Variants in PCDH15 observed in about 807,000 individuals in gnomAD.
PCDH15 encodes the protein protocadherin-15.
In PCDH15, 129 loss-of-function variants were observed where a neutral mutation model predicts 178.5. The observed-to-expected ratio is 0.72, with a 90% CI of 0.63 to 0.84. PCDH15 has a LOEUF of 0.84. PCDH15 is among the 40% of genes least tolerant of loss of function. The pLI is 0.00. For missense variants in PCDH15, 2,230 were observed against 2,099.9 expected (o/e 1.06, Z -1.21); for synonymous variants, 800 against 732.0 (o/e 1.09, Z -1.50).
At chr10:54,398,891 A>G (rs1483602813) in intron 3 of PCDH15, among the ~76,000 whole-genome samples, 2 of 152,116 alleles carry the variant, frequency 1.3e-5, no homozygotes, top group African/African-American at 4.8e-5. Context: ...TGGTATGTAT[A>G]CAAACCTTAA....
intron 2 of PCDH15, among the ~76,000 whole-genome samples, chr10:55,147,363 A>G (rs2132096241): frequency 6.6e-6 from 1 of 151,774 alleles, no homozygotes; most frequent in African/African-American, 2.4e-5. Context: ...AATGCAGAAA[A>G]ATAGATAATA....
Position 55,462,967 on chromosome 10 carries a change from T to C in PCDH15, c.-156+164658A>G, listed in dbSNP as rs115284262. ...GATTGTGTATAAATGTTTTATGTATTATGTGTTGATCTGAAGCAAAGTGCA... is the reference window on the plus strand; with the variant it reads ...GATTGTGTATAAATGTTTTATGTATCATGTGTTGATCTGAAGCAAAGTGCA... On this transcript the variant is annotated intron_variant, in intron 2 of 5. Coordinates refer to the PCDH15 transcript ENST00000613346. 2.0e-3 allele frequency among the ~76,000 whole-genome samples: 299 copies of C among 152,166 alleles called. 2 individuals are homozygous for C. Among genetic ancestry groups the C allele is most frequent in the African/African-American group, 7.0e-3 (292 of 41,546 alleles).
At chr10:54,258,574 C>T (rs1050522851) in intron 8 of PCDH15, among the ~76,000 whole-genome samples, 1 of 152,118 alleles carries the variant, frequency 6.6e-6, no homozygotes, top group African/African-American at 2.4e-5. Context: ...AAGTTAAGAC[C>T]TGAGCTCTCC....
intron 2 of PCDH15, among the ~76,000 whole-genome samples, chr10:55,346,502 A>C (rs1844757460): frequency 6.6e-6 from 1 of 152,142 alleles, no homozygotes; most frequent in African/African-American, 2.4e-5. Context: ...TTTATCATAG[A>C]ATGAAACCTC....
intron 28 of PCDH15, among the ~76,000 whole-genome samples, chr10:53,850,148 C>A (rs1250433110): frequency 2.0e-5 from 3 of 151,914 alleles, no homozygotes; most frequent in Admixed American, 2.0e-4. Context: ...AATCATGGAG[C>A]ACCTTAGTTT....
At chr10:54,558,134 TTTGA>T (rs1170120600) in intron 2 of PCDH15, among the ~76,000 whole-genome samples, 6 of 152,064 alleles carry the variant, frequency 3.9e-5, no homozygotes, top group South Asian at 2.1e-4. Flanking sequence ...TGGTATTGAT[TTTGA>T]TTGATTATTT....
At position 54,153,421 on chromosome 10, in the gene PCDH15, ACT is replaced by A. The variant is rs1396587479; in HGVS notation, c.1591-130_1591-129del. The A allele has an allele frequency of 2.2e-5, 22 of 1,013,966 alleles. No individual in the cohort carries two copies. In the Admixed American group the frequency reaches 4.3e-4, roughly 20 times the overall value. 62.8% of individuals were successfully genotyped at this position (1,013,966 alleles called of 1,614,324 possible). A position where few individuals can be genotyped will look rare whatever the true frequency, so the allele number is the denominator to read the frequency against. On this transcript the variant is annotated intron_variant, in intron 13 of 37. Transcript: ENST00000644397. ...ACAGGAAAGTTTCCTTGACATATAT[ACT>A]GTTTTTTGTTTTTTGTTTTTTTAAC...
chr10:54,217,101 GA>G (rs2052164648), intron 9 of PCDH15, among the ~76,000 whole-genome samples: 1 of 152,080 alleles, frequency 6.6e-6, no homozygotes, highest in South Asian at 2.1e-4. Context: ...TTACTTATGA[GA>G]AAGAGAGGGA....
Position 54,754,393 on chromosome 10 carries a change from AT to A in PCDH15, c.-29+46531del, listed in dbSNP as rs550779810. Among the ~76,000 whole-genome samples, 17 of 152,310 alleles carry A rather than the reference AT, an allele frequency of 1.1e-4. No individual in the cohort carries two copies. The East Asian group carries it at 2.9e-3, about 26-fold the overall frequency. On this transcript the variant is annotated intron_variant, in intron 1 of 37. Transcript: ENST00000644397. ...TCCATGATTGAAAGCTACATAAAAAATATCTAATATCACTACATATCAAATA... is the reference window on the plus strand; with the variant it reads ...TCCATGATTGAAAGCTACATAAAAAAATCTAATATCACTACATATCAAATA...
chr10:53,958,043 T>C (rs12357505), intron 23 of PCDH15, among the ~76,000 whole-genome samples: 1 of 152,178 alleles, frequency 6.6e-6, no homozygotes, highest in Non-Finnish European at 1.5e-5. Flanking sequence ...AACTGCTTGG[T>C]TCAGTGGGTT....
chr10:54,791,587 A>G (rs1951414429), intron 1 of PCDH15, among the ~76,000 whole-genome samples: 1 of 151,916 alleles, frequency 6.6e-6, no homozygotes, highest in African/African-American at 2.4e-5. Flanking sequence ...CAAACGTAAC[A>G]TGTTTAAAAA....
At chr10:54,853,368 TATATATATACACATACATAC>T (rs2131770237) in intron 3 of PCDH15, among the ~76,000 whole-genome samples, 1 of 93,678 alleles carries the variant, frequency 1.1e-5, no homozygotes, top group South Asian at 4.0e-4. Context: ...CACACACACA[TATATATATACACATACATAC>T]ATATATATAC....
At chr10:54,268,966 A>G (rs570423440) in intron 8 of PCDH15, among the ~76,000 whole-genome samples, 8 of 151,998 alleles carry the variant, frequency 5.3e-5, no homozygotes, top group Middle Eastern at 3.5e-3. Flanking sequence ...TGAATACAAT[A>G]TAGAACCTGA....
chr10:54,434,884 G>T (rs1472183765), intron 3 of PCDH15, among the ~76,000 whole-genome samples: 3 of 152,120 alleles, frequency 2.0e-5, no homozygotes, highest in Non-Finnish European at 4.4e-5. Flanking sequence ...CAATCAATTG[G>T]TATGACTTGG....
At chr10:55,027,704 G>A (rs935635507) in intron 2 of PCDH15, among the ~76,000 whole-genome samples, 3 of 151,786 alleles carry the variant, frequency 2.0e-5, no homozygotes, top group Non-Finnish European at 4.4e-5. Flanking sequence ...TCTAATTTAG[G>A]AGAGTAGTTT....
At position 54,923,144 on chromosome 10, in the gene PCDH15, A is replaced by G. The variant is rs1216316374; in HGVS notation, c.-79-25644T>C. The stretch of plus-strand genomic sequence containing the variant: ...GAAGCTGCCCAGGCTTGAGGATTGT[A>G]CCCTCTGAAGCAACAGCCCAGGCTG... On this transcript the variant is annotated intron_variant, in intron 2 of 5. Coordinates refer to the PCDH15 transcript ENST00000458638. Among the ~76,000 whole-genome samples the G allele has an allele frequency of 2.9e-5, 4 of 138,142 alleles. 1 individual carries two copies. The highest frequency in any genetic ancestry group is 5.0e-5 in the African/African-American group (2 of 40,020). The allele number at this position is 138,142 out of a possible 152,430, so 90.6% of individuals were successfully genotyped here. A position where few individuals can be genotyped will look rare whatever the true frequency, so the allele number is the denominator to read the frequency against.
chr10:53,989,547 C>T (rs1564941172), intron 21 of PCDH15, among the ~76,000 whole-genome samples: 1 of 152,126 alleles, frequency 6.6e-6, no homozygotes, highest in Non-Finnish European at 1.5e-5. Flanking sequence ...GGTGTACCTT[C>T]TTTCTAATTA....
At chr10:54,248,279 A>G (rs1469393991) in intron 8 of PCDH15, among the ~76,000 whole-genome samples, 2 of 152,126 alleles carry the variant, frequency 1.3e-5, no homozygotes, top group Non-Finnish European at 2.9e-5. Context: ...TGAGAAACTT[A>G]TGAATTAAAT....
At chr10:54,595,923 GAATA>G (rs2092211079) in intron 2 of PCDH15, among the ~76,000 whole-genome samples, 1 of 151,934 alleles carries the variant, frequency 6.6e-6, no homozygotes, top group African/African-American at 2.4e-5. Context: ...AAAGAAAAAA[GAATA>G]AAAAGGAATG....
Sources: allele counts gnomAD v4.1 joint callset (sites outside exome capture counted in the v4.1 genomes callset), GRCh38; gene constraint gnomAD v4.1.1; transcripts MANE v1.5; gene names NCBI Gene and HGNC (gene_info 2026-07-23, HGNC 2026-07-21).